Variants in JOSD2 observed in about 807,000 individuals in gnomAD.
JOSD2 encodes josephin-2.
Under a neutral mutation model 19.3 loss-of-function variants are expected in JOSD2, and 20 were observed. The observed-to-expected ratio is 1.04, with a 90% CI of 0.73 to 1.51. The LOEUF is 1.51. Among genes scored for constraint, JOSD2 ranks in the 40% most tolerant of loss-of-function variants. The pLI is 0.00. For missense variants in JOSD2, 215 were observed against 250.4 expected (o/e 0.86, Z 0.95); for synonymous variants, 118 against 123.7 (o/e 0.95, Z 0.31).
intron 2 of JOSD2, chr19:50,510,067 A>AAAAAAAAAAAAAAT: frequency 2.1e-6 from 1 of 470,492 alleles, no homozygotes; most frequent in Non-Finnish European, 3.8e-6. Context: ...AAAAAAAAAA[A>AAAAAAAAAAAAAAT]GAAAGAACCA....
chr19:50,511,065 C>T (rs564729509), intron 1 of JOSD2, 52 bp downstream of exon 1: 19 of 451,488 alleles, frequency 4.2e-5, no homozygotes, highest in Admixed American at 4.0e-4. Context: ...AGCCCTTCGC[C>T]GACCCGCACC....
chr19:50,511,034 T>C (rs1601355112), intron 1 of JOSD2, 83 bp downstream of exon 1: 1 of 444,464 alleles, frequency 2.2e-6, no homozygotes, highest in Non-Finnish European at 4.5e-6. Context: ...CCAGGCCCCC[T>C]CCCCGGACAC....
chr19:50,509,249 AT>A (rs1232644352), intron 2 of JOSD2, among the ~76,000 whole-genome samples: 1 of 150,712 alleles, frequency 6.6e-6, no homozygotes, highest in Non-Finnish European at 1.5e-5. Context: ...AGCTAATTTT[AT>A]TTTTTATTTA....
At chr19:50,508,320 A>G (rs1057148696) in intron 2 of JOSD2, among the ~76,000 whole-genome samples, 1 of 152,172 alleles carries the variant, frequency 6.6e-6, no homozygotes, top group Non-Finnish European at 1.5e-5. Context: ...AGCCACCTCA[A>G]CGATGACAGC....
intron 2 of JOSD2, among the ~76,000 whole-genome samples, chr19:50,509,101 TGA>T (rs1319971655): frequency 1.1e-4 from 11 of 103,470 alleles, no homozygotes; most frequent in African/African-American, 5.4e-4. Flanking sequence ...GGTAAAGGAG[TGA>T]TTTTTTTTTT....
chr19:50,509,578 G>A (rs886918749), intron 2 of JOSD2, among the ~76,000 whole-genome samples: 8 of 152,152 alleles, frequency 5.3e-5, no homozygotes, highest in African/African-American at 1.7e-4. Flanking sequence ...CTCGGCCTCC[G>A]CTATGAGGAG....
At chr19:50,509,800 T>A (rs1265021460) in intron 2 of JOSD2, among the ~76,000 whole-genome samples, 3 of 151,762 alleles carry the variant, frequency 2.0e-5, no homozygotes, top group Admixed American at 2.0e-4. Context: ...ACGCCTGTAA[T>A]CCTAGCACTT....
intron 3 of JOSD2, 152 bp downstream of exon 3, chr19:50,507,422 T>C: frequency 9.3e-7 from 1 of 1,072,078 alleles, no homozygotes; most frequent in South Asian, 1.5e-5. Flanking sequence ...ATCGACCACC[T>C]GATCTCCCCC....
chr19:50,506,121 C>G lies in JOSD2; in HGVS notation c.*52G>C, dbSNP rs1979310090. 1.3e-6 allele frequency: 2 copies of G among 1,561,256 alleles called. No individual in the cohort carries two copies. The highest frequency in any genetic ancestry group is 3.4e-5 in the Admixed American group (2 of 58,316). On this transcript the variant is annotated 3_prime_UTR_variant, in exon 5 of 5. Transcript: ENST00000598418. ...TTTCCCAGGCATGCAGTGTGCGCAG[C>G]CGGAGGGGGATGCGCAGGGACTGCG...
intron 2 of JOSD2, 155 bp from the exon 3 acceptor site, chr19:50,507,854 C>G (rs943751086): frequency 1.8e-5 from 16 of 897,048 alleles, no homozygotes; most frequent in Non-Finnish European, 2.0e-5. Flanking sequence ...TCTCCTGCCC[C>G]AATTCTGCCC....
rs1979716462 is a variant in JOSD2, at chr19:50,510,414, T to C, written c.18A>G (p.Gly6=). The stretch of plus-strand genomic sequence containing the variant: ...ACACGGTGGGTGGGCTCGGCTGTGC[T>C]CCCGGGGCCTGGGACATGCCGTCCT... MSQAP[G]AQPSPPTVYH... The change falls in exon 2 of 5, where the codon GGA becomes GGG. Residue 6 remains glycine (G), a synonymous_variant. Transcript: ENST00000598418. The C allele has an allele frequency of 3.7e-6, 6 of 1,610,200 alleles. No individual in the cohort carries two copies. Among genetic ancestry groups the C allele is most frequent in the Non-Finnish European group, 5.1e-6 (6 of 1,178,076 alleles).
At chr19:50,510,566 A>T (rs1004283279) in intron 1 of JOSD2, 118 bp from the exon 2 acceptor site, 1 of 945,124 alleles carries the variant, frequency 1.1e-6, no homozygotes, top group African/African-American at 1.7e-5. Flanking sequence ...GCCCAGGAAG[A>T]CACTGGGCCC....
rs745727921 is a variant in JOSD2, at chr19:50,510,342, G to A, written c.90C>T (p.Asn30=). ...RLELCAVHAL[N]NVLQQQLFSQ... ...TAAAGAGCTGCTGCTGCAGAACGTT[G>A]TTGAGGGCGTGGACAGCACACAGCT... Residue 30 remains asparagine, a synonymous_variant, in exon 2 of 5, where the codon AAC becomes AAT. Transcript: ENST00000598418. The A allele has an allele frequency of 6.2e-7, 1 of 1,613,598 alleles. No individual in the cohort carries two copies. Among genetic ancestry groups the A allele is most frequent in the South Asian group, 1.1e-5 (1 of 91,092 alleles).
intron 3 of JOSD2, 23 bp downstream of exon 3, chr19:50,507,551 T>C: frequency 1.3e-6 from 2 of 1,594,694 alleles, no homozygotes; most frequent in Non-Finnish European, 1.7e-6. Flanking sequence ...GCCCAGCACA[T>C]GCTGTGCTGC....
chr19:50,506,087 G>T lies in JOSD2; in HGVS notation c.*86C>A. 1.5e-6 allele frequency: 2 copies of T among 1,324,780 alleles called. No homozygotes were observed. The highest frequency in any genetic ancestry group is 2.1e-6 in the Non-Finnish European group (2 of 942,694). The allele number at this position is 1,324,780 out of a possible 1,614,324, so 82.1% of individuals were successfully genotyped here. On this transcript the variant is annotated 3_prime_UTR_variant, in exon 5 of 5. Transcript: ENST00000598418. ...GCGGGGCCTCCCCAGGGTCCATGAA[G>T]TGCTGGCCTTTCCCAGGCATGCAGT... is the stretch of plus-strand genomic sequence containing the variant.
intron 2 of JOSD2, chr19:50,510,067 A>AAAAAAAAT: frequency 6.4e-6 from 3 of 470,486 alleles, no homozygotes; most frequent in East Asian, 3.9e-5. Flanking sequence ...AAAAAAAAAA[A>AAAAAAAAT]GAAAGAACCA....
rs529983360 is a variant in JOSD2, at chr19:50,506,255, G to A, written c.485C>T (p.Ala162Val). ...EDGVRAFLAAALAQGLCEVLL... is the reference protein window; with the variant it reads ...EDGVRAFLAAVLAQGLCEVLL... ...CACCTCGCACAGGCCCTGGGCCAGCGCAGCCGCCAGGAAGGCCCTGGGTGG... is the reference window on the plus strand; with the variant it reads ...CACCTCGCACAGGCCCTGGGCCAGCACAGCCGCCAGGAAGGCCCTGGGTGG... The change falls in exon 5 of 5, where the codon GCG (alanine) becomes GTG (valine). Residue 162 changes from alanine to valine, a missense_variant. By Grantham distance (64) the Ala-to-Val change is moderately conservative. Transcript: ENST00000598418. 9.9e-6 allele frequency: 16 copies of A among 1,612,622 alleles called. No homozygotes were observed. The highest frequency in any genetic ancestry group is 9.9e-5 in the South Asian group (9 of 91,082).
chr19:50,506,606 G>A (rs1364844436), intron 3 of JOSD2, 34 bp from the exon 4 acceptor site: 13 of 1,457,588 alleles, frequency 8.9e-6, no homozygotes, highest in Non-Finnish European at 1.2e-5. Flanking sequence ...TGCCATCAGG[G>A]CCTGCTCCGC....
chr19:50,506,073 C>G lies in JOSD2; in HGVS notation c.*100G>C. 1 of 1,171,866 alleles carries G rather than the reference C, an allele frequency of 8.5e-7. No homozygotes were observed. Among genetic ancestry groups the G allele is most frequent in the Non-Finnish European group, 1.2e-6 (1 of 819,564 alleles). The allele number at this position is 1,171,866 out of a possible 1,614,324, so 72.6% of individuals were successfully genotyped here. A position where few individuals can be genotyped will look rare whatever the true frequency, so the allele number is the denominator to read the frequency against. On this transcript the variant is annotated 3_prime_UTR_variant, in exon 5 of 5. Transcript: ENST00000598418. Reference sequence around the variant, plus strand: ...GGTGTGGGGAGGGGGCGGGGCCTCCCCAGGGTCCATGAAGTGCTGGCCTTT... The same window carrying G: ...GGTGTGGGGAGGGGGCGGGGCCTCCGCAGGGTCCATGAAGTGCTGGCCTTT...
Sources: allele counts gnomAD v4.1 joint callset (sites outside exome capture counted in the v4.1 genomes callset), GRCh38; gene constraint gnomAD v4.1.1; transcripts MANE v1.5; gene names NCBI Gene and HGNC (gene_info 2026-07-23, HGNC 2026-07-21).